The following CAPS2 variants were observed in gnomAD, a reference collection of about 807,000 sequenced individuals.
CAPS2 encodes the protein calcyphosine 2.
CAPS2 carries 98 observed loss-of-function variants against 86.5 expected under a neutral mutation model. The ratio of observed to expected loss-of-function variants is 1.13; its 90% confidence interval spans 0.96 to 1.34. CAPS2 has a LOEUF of 1.34. Ranked by LOEUF, CAPS2 falls within the 40% of genes most tolerant of loss-of-function variation. The probability of loss-of-function intolerance (pLI) is 0.00; values close to 1 mark genes in which losing one functional copy is unlikely to be tolerated. For missense variants in CAPS2, 729 were observed against 686.8 expected (o/e 1.06, Z -0.69); for synonymous variants, 210 against 225.1 (o/e 0.93, Z 0.60).
chr12:75,279,429 A>C (rs1238578219), intron 16 of CAPS2, among the ~76,000 whole-genome samples: 1 of 151,972 alleles, frequency 6.6e-6, no homozygotes, highest in Non-Finnish European at 1.5e-5. Context: ...ATAGTAGAAA[A>C]AGGGTCAAAA....
At chr12:75,281,184 T>A (rs1357732027) in intron 16 of CAPS2, among the ~76,000 whole-genome samples, 1 of 151,946 alleles carries the variant, frequency 6.6e-6, no homozygotes, top group Admixed American at 6.6e-5. Context: ...CTATATAATT[T>A]AATATAGTCA....
chr12:75,333,824 C>T (rs2041514128), upstream of CAPS2: 1 of 151,994 alleles, frequency 6.6e-6, no homozygotes, highest in Admixed American at 6.6e-5. Flanking sequence ...TTATTTGAAA[C>T]ATAGAAATAC....
intron 1 of CAPS2, among the ~76,000 whole-genome samples, chr12:75,335,591 C>A (rs183742565): frequency 6.6e-6 from 1 of 152,136 alleles, no homozygotes; most frequent in Non-Finnish European, 1.5e-5. Context: ...TAACTCATAT[C>A]TATTCCAGCT....
intron 1 of CAPS2, among the ~76,000 whole-genome samples, chr12:75,340,942 A>T (rs923471768): frequency 1.3e-5 from 2 of 152,096 alleles, no homozygotes; most frequent in African/African-American, 4.8e-5. Context: ...ATACTGGTGA[A>T]GATATGGAGA....
chr12:75,294,193 C>A (rs2036494086), intron 11 of CAPS2, among the ~76,000 whole-genome samples: 1 of 152,142 alleles, frequency 6.6e-6, no homozygotes, highest in Non-Finnish European at 1.5e-5. Flanking sequence ...ATCCACTTGC[C>A]TGGGCCTCCC....
intron 1 of CAPS2, chr12:75,370,486 C>A (rs1186952756): frequency 5.3e-6 from 1 of 190,298 alleles, no homozygotes; most frequent in Admixed American, 5.6e-5. Context: ...AAAGACTTTT[C>A]ACATATCAAA....
At chr12:75,335,550 T>C (rs1364966339) in intron 1 of CAPS2, among the ~76,000 whole-genome samples, 1 of 152,198 alleles carries the variant, frequency 6.6e-6, no homozygotes, top group Non-Finnish European at 1.5e-5. Flanking sequence ...TATTAGTCTA[T>C]TTTATGTGCT....
At chr12:75,321,647 G>C (rs2040312627) in intron 4 of CAPS2, 71 bp from the exon 5 acceptor site, 1 of 1,073,850 alleles carries the variant, frequency 9.3e-7, no homozygotes, top group Non-Finnish European at 1.4e-6. Context: ...GCATTAACAG[G>C]TTTACCTCTT....
intron 1 of CAPS2, among the ~76,000 whole-genome samples, chr12:75,365,968 C>T (rs1410704974): frequency 6.6e-6 from 1 of 152,102 alleles, no homozygotes; most frequent in East Asian, 1.9e-4. Context: ...AAAATTTTGA[C>T]ACCTTATAAT....
intron 15 of CAPS2, among the ~76,000 whole-genome samples, chr12:75,284,170 G>A (rs573212000): frequency 5.3e-5 from 8 of 152,198 alleles, no homozygotes; most frequent in African/African-American, 1.2e-4. Context: ...TGGAAAGTAC[G>A]AATAAGTACA....
rs376888166 is a variant in CAPS2 at position 75,338,192 on chromosome 12, C to A, written c.-394-14970G>T. Among the ~76,000 whole-genome samples the A allele has an allele frequency of 2.6e-5, 4 of 152,040 alleles. No homozygotes were observed. The South Asian group carries it at 8.3e-4, about 31-fold the overall frequency. On this transcript the variant is annotated intron_variant, in intron 1 of 5. Transcript: ENST00000551829. Reference sequence around the variant, plus strand: ...ATAGCTCAATATAGATGCAAAAAATCTTCAACAAAATTATAATCAATTGAA... The same window carrying A: ...ATAGCTCAATATAGATGCAAAAAATATTCAACAAAATTATAATCAATTGAA...
chr12:75,279,953 A>C (rs899872033), intron 16 of CAPS2, among the ~76,000 whole-genome samples: 3 of 151,902 alleles, frequency 2.0e-5, no homozygotes, highest in Admixed American at 6.6e-5. Flanking sequence ...TTTCACTCAA[A>C]TTTATATTTC....
intron 1 of CAPS2, chr12:75,343,585 T>G: frequency 2.4e-6 from 2 of 837,934 alleles, no homozygotes; most frequent in Non-Finnish European, 3.6e-6. Context: ...AAAAACTACA[T>G]CTTATTAAAA....
rs2044090669 is a variant in CAPS2, at chr12:75,367,873, T to C, written c.-395+22965A>G. On this transcript the variant is annotated intron_variant, in intron 1 of 5. Coordinates refer to the CAPS2 transcript ENST00000551829. ...TGTAACAATAGACACACCCTTCTAT[T>C]ATTCTTAAATTTAAAGACAATGTTT... 1.3e-5 allele frequency among the ~76,000 whole-genome samples: 2 copies of C among 152,190 alleles called. 1 individual carries two copies. The highest frequency in any genetic ancestry group is 4.1e-4 in the South Asian group (2 of 4,838).
At chr12:75,376,694 C>A (rs1392453290) in intron 1 of CAPS2, among the ~76,000 whole-genome samples, 3 of 152,174 alleles carry the variant, frequency 2.0e-5, no homozygotes, top group Non-Finnish European at 2.9e-5. Context: ...CCCACACATC[C>A]CCATTCCAAG....
rs532650673 is a variant in CAPS2, at chr12:75,359,150, T to C, written c.-395+31688A>G. 2.0e-5 allele frequency among the ~76,000 whole-genome samples: 3 copies of C among 150,526 alleles called. No individual in the cohort carries two copies. The East Asian group carries it at 5.8e-4, about 29-fold the overall frequency. On this transcript the variant is annotated intron_variant, in intron 1 of 5. Transcript: ENST00000551829. Reference sequence around the variant, plus strand: ...AGTATACAAAAATTAATTACATGTCTGTATACTAACACTTAACCAGAAATT... The same window carrying C: ...AGTATACAAAAATTAATTACATGTCCGTATACTAACACTTAACCAGAAATT...
intron 7 of CAPS2, among the ~76,000 whole-genome samples, chr12:75,311,364 A>C (rs1254406988): frequency 3.9e-5 from 6 of 152,290 alleles, no homozygotes; most frequent in Admixed American, 2.6e-4. Flanking sequence ...AAAGGGATCA[A>C]AATATCACCA....
chr12:75,300,481 G>A (rs374328091), intron 8 of CAPS2, among the ~76,000 whole-genome samples: 21 of 147,310 alleles, frequency 1.4e-4, no homozygotes, highest in African/African-American at 3.0e-4. Context: ...GCGTGAACCC[G>A]GGAGGCGGAG....
intron 16 of CAPS2, among the ~76,000 whole-genome samples, chr12:75,280,717 T>C (rs989266178): frequency 5.9e-5 from 9 of 151,932 alleles, no homozygotes; most frequent in Non-Finnish European, 1.3e-4. Flanking sequence ...GTTTATTTAA[T>C]GTTATGAATA....
Sources: gnomAD v4.1 joint callset for allele counts (sites outside exome capture counted in the v4.1 genomes callset) on GRCh38, gnomAD v4.1.1 for gene constraint, MANE v1.5 for transcripts, NCBI Gene and HGNC (gene_info 2026-07-23, HGNC 2026-07-21) for gene names.